PRELID2: variants seen among roughly 807,000 people sequenced by gnomAD.
The protein encoded by PRELID2 is PRELI domain-containing protein 2.
In PRELID2, 25 loss-of-function variants were observed where a neutral mutation model predicts 28.4. The ratio of observed to expected loss-of-function variants is 0.88; its 90% CI spans 0.64 to 1.23. PRELID2 has a LOEUF of 1.23. PRELID2 is among the 50% of genes most tolerant of loss of function. The pLI, the probability that PRELID2 is intolerant of heterozygous loss-of-function variation, is 0.00. For missense variants in PRELID2, 201 were observed against 214.4 expected (o/e 0.94, Z 0.39); for synonymous variants, 76 against 71.6 (o/e 1.06, Z -0.31).
the PRELID2 span, among the ~76,000 whole-genome samples, chr5:145,443,368 C>G: frequency 6.6e-6 from 1 of 152,102 alleles, no homozygotes; most frequent in Admixed American, 6.6e-5. Flanking sequence ...CACCTCCCTC[C>G]ATATATAGAA....
chr5:145,527,604 G>A (rs1334906220), intron 1 of PRELID2, among the ~76,000 whole-genome samples: 1 of 152,180 alleles, frequency 6.6e-6, no homozygotes, highest in Non-Finnish European at 1.5e-5. Context: ...AATCCAGAGA[G>A]AGACAGCCAG....
chr5:145,653,469 A>T (rs541356149), intron 1 of PRELID2, among the ~76,000 whole-genome samples: 1 of 152,198 alleles, frequency 6.6e-6, no homozygotes, highest in Admixed American at 6.5e-5. Context: ...CCACGTCGCA[A>T]TTATTCCAAA....
the PRELID2 span, among the ~76,000 whole-genome samples, chr5:145,413,383 G>C: frequency 2.0e-5 from 3 of 152,078 alleles, no homozygotes; most frequent in African/African-American, 7.2e-5. Context: ...CTGCTGGTGG[G>C]AATGTAACCT....
At chr5:145,263,967 T>C in the PRELID2 span, among the ~76,000 whole-genome samples, 1 of 152,048 alleles carries the variant, frequency 6.6e-6, no homozygotes, top group Non-Finnish European at 1.5e-5. Flanking sequence ...CTCTGTTCAC[T>C]ACAACCTCCA....
At chr5:145,519,538 T>G (rs1752545938) in intron 1 of PRELID2, among the ~76,000 whole-genome samples, 2 of 152,226 alleles carry the variant, frequency 1.3e-5, no homozygotes, top group South Asian at 4.1e-4. Flanking sequence ...TGAAAAACAT[T>G]AACTTGCCTT....
intron 1 of PRELID2, among the ~76,000 whole-genome samples, chr5:145,663,435 G>A (rs1754531069): frequency 6.6e-6 from 1 of 152,228 alleles, no homozygotes; most frequent in African/African-American, 2.4e-5. Context: ...AGATATTCAT[G>A]GAAAAAGCCC....
At chr5:145,458,522 G>A in the PRELID2 span, among the ~76,000 whole-genome samples, 1 of 152,126 alleles carries the variant, frequency 6.6e-6, no homozygotes, top group Admixed American at 6.5e-5. Context: ...GCAATGTCTG[G>A]AGACTTTTTT....
chr5:145,540,498 T>C (rs1206948575), intron 1 of PRELID2, among the ~76,000 whole-genome samples: 2 of 151,876 alleles, frequency 1.3e-5, no homozygotes, highest in Non-Finnish European at 2.9e-5. Flanking sequence ...GTTAGAAAGA[T>C]GAGTCTTACC....
At chr5:145,754,966 A>G (rs1305248144), downstream of PRELID2, among the ~76,000 whole-genome samples, 4 of 152,192 alleles carry the variant, frequency 2.6e-5, no homozygotes, top group Non-Finnish European at 5.9e-5. Context: ...CAAACTCTAC[A>G]CTCAATAAGT....
chr5:145,777,717 G>A lies in PRELID2; in HGVS notation c.475-12717C>T, dbSNP rs138816805. Among the ~76,000 whole-genome samples, 182 of 152,266 alleles carry A rather than the reference G, an allele frequency of 1.2e-3. 1 individual carries two copies. Among genetic ancestry groups the A allele is most frequent in the African/African-American group, 4.1e-3 (170 of 41,574 alleles). On this transcript the variant is annotated intron_variant, in intron 5 of 6. Coordinates refer to ENST00000683046, the MANE Select transcript of PRELID2 (RefSeq NM_205846.3). The stretch of plus-strand genomic sequence containing the variant: ...ACCCAAACTGCAGCTGCAGACCCAG[G>A]CCTCCTGCTCCACGGAGCAGGTAGA...
intron 1 of PRELID2, among the ~76,000 whole-genome samples, chr5:145,560,881 G>A (rs754275490): frequency 2.0e-5 from 3 of 152,156 alleles, no homozygotes; most frequent in Non-Finnish European, 4.4e-5. Context: ...ATAAGCAGAA[G>A]GAAGGCATCT....
At position 145,690,012 on chromosome 5, in the gene PRELID2, C is replaced by G. The variant is rs1755114619; in HGVS notation, n.70+74919G>C. ...TTTTTTTTTTTTTTTTTTTTTGAGA[C>G]AAAGTCTAGCTTCATGGCCCAGGCT... On this transcript the variant is annotated intron_variant and non_coding_transcript_variant, in intron 1 of 2. Transcript: ENST00000510259. Among the ~76,000 whole-genome samples the G allele has an allele frequency of 3.4e-5, 4 of 118,696 alleles. 1 individual carries two copies. In the South Asian group the frequency reaches 1.1e-3, roughly 33 times the overall value. 77.9% of individuals were successfully genotyped at this position (118,696 alleles called of 152,430 possible).
the PRELID2 span, among the ~76,000 whole-genome samples, chr5:145,415,627 T>C: frequency 2.7e-5 from 4 of 150,822 alleles, no homozygotes; most frequent in Non-Finnish European, 5.9e-5. Context: ...TTTTTATGGC[T>C]GCATAGTATT....
At chr5:145,382,158 C>T in the PRELID2 span, among the ~76,000 whole-genome samples, 1 of 151,668 alleles carries the variant, frequency 6.6e-6, no homozygotes, top group African/African-American at 2.4e-5. Context: ...AAATGAGACA[C>T]AGCACAGAAA....
At chr5:145,486,124 A>G (rs746561870) in intron 1 of PRELID2, among the ~76,000 whole-genome samples, 2 of 152,190 alleles carry the variant, frequency 1.3e-5, no homozygotes, top group Non-Finnish European at 2.9e-5. Flanking sequence ...TGTGCCAAAA[A>G]GCCAATGACT....
intron 1 of PRELID2, among the ~76,000 whole-genome samples, chr5:145,502,202 A>T (rs1752365591): frequency 6.6e-6 from 1 of 152,068 alleles, no homozygotes; most frequent in African/African-American, 2.4e-5. Flanking sequence ...GACAAAGGGG[A>T]AATGGCACTT....
intron 1 of PRELID2, among the ~76,000 whole-genome samples, chr5:145,495,692 G>A (rs1040393296): frequency 6.6e-6 from 1 of 152,162 alleles, no homozygotes; most frequent in Admixed American, 6.5e-5. Flanking sequence ...TCATATAACT[G>A]TTGTGAAGAT....
At chr5:145,314,546 G>A in the PRELID2 span, among the ~76,000 whole-genome samples, 17 of 151,892 alleles carry the variant, frequency 1.1e-4, no homozygotes, top group Middle Eastern at 6.8e-3. Flanking sequence ...ATGGGGTTTT[G>A]AAGGAACTTT....
chr5:145,618,289 G>C (rs1232892626), intron 1 of PRELID2, among the ~76,000 whole-genome samples: 1 of 152,152 alleles, frequency 6.6e-6, no homozygotes, highest in East Asian at 1.9e-4. Flanking sequence ...TGGTTTTCTG[G>C]TTCCTTCTCA....
Sources: gnomAD v4.1 joint callset for allele counts (sites outside exome capture counted in the v4.1 genomes callset) on GRCh38, gnomAD v4.1.1 for gene constraint, MANE v1.5 for transcripts, NCBI Gene and HGNC (gene_info 2026-07-23, HGNC 2026-07-21) for gene names.